The following DOCK10 variants were observed in gnomAD, a reference collection of about 807,000 sequenced individuals.
The protein encoded by DOCK10 is dedicator of cytokinesis protein 10.
A neutral mutation model predicts 280.1 loss-of-function variants in DOCK10; 145 were observed. The observed-to-expected ratio is 0.52, with a 90% confidence interval of 0.45 to 0.59. DOCK10 has a LOEUF of 0.59. Among genes scored for constraint, DOCK10 ranks in the 20% least tolerant of loss-of-function variants. The pLI, the probability that DOCK10 is intolerant of heterozygous loss-of-function variation, is 0.00. For synonymous variants in DOCK10, 915 were observed against 942.2 expected (o/e 0.97, Z 0.53); for missense variants, 2,368 against 2,651.7 (o/e 0.89, Z 2.35).
intron 1 of DOCK10, among the ~76,000 whole-genome samples, chr2:224,941,665 G>A (rs1287544598): frequency 6.6e-6 from 1 of 151,982 alleles, no homozygotes; most frequent in Non-Finnish European, 1.5e-5. Flanking sequence ...CCAACATGGT[G>A]AAACCCCGTC....
At position 224,936,281 on chromosome 2, in the gene DOCK10, C is replaced by CT. The variant is rs1702689153; in HGVS notation, c.124-4614dup. On this transcript the variant is annotated intron_variant, in intron 1 of 55. Transcript: ENST00000258390. ...AATATTTTGCATATAATTGGCTTTT[C>CT]TTTTTGGAAAACACGAAGTGGCTGG... 3.3e-5 allele frequency among the ~76,000 whole-genome samples: 5 copies of CT among 152,216 alleles called. No individual in the cohort carries two copies. The South Asian group carries it at 1.0e-3, about 32-fold the overall frequency.
rs184605798 is a variant in DOCK10 at position 224,880,698 on chromosome 2, T to G, written c.748-4477A>C. ...GTGAGTTGTGGCAAACTGTTCTGCT[T>G]CCACAATGTTCATCTGAAAAAGTTC... is the stretch of plus-strand genomic sequence containing the variant. On this transcript the variant is annotated intron_variant, in intron 7 of 55. Coordinates refer to ENST00000258390, the MANE Select transcript of DOCK10 (RefSeq NM_014689.3). Among the ~76,000 whole-genome samples, 4 of 152,304 alleles carry G rather than the reference T, an allele frequency of 2.6e-5. No individual in the cohort carries two copies. The East Asian group carries it at 5.8e-4, about 22-fold the overall frequency.
chr2:225,019,906 T>C (rs925270955), intron 1 of DOCK10, among the ~76,000 whole-genome samples: 4 of 152,234 alleles, frequency 2.6e-5, no homozygotes, highest in African/African-American at 9.6e-5. Flanking sequence ...ATGTGACCAA[T>C]TGACAAAGCT....
chr2:224,798,112 A>T, intron 41 of DOCK10, 143 bp from the exon 42 acceptor site: 1 of 771,446 alleles, frequency 1.3e-6, no homozygotes, highest in Non-Finnish European at 2.1e-6. Flanking sequence ...GACACAGTTC[A>T]TGTTTACTGT....
At chr2:224,955,181 A>C (rs1703969322) in intron 1 of DOCK10, among the ~76,000 whole-genome samples, 1 of 152,206 alleles carries the variant, frequency 6.6e-6, no homozygotes, top group Non-Finnish European at 1.5e-5. Flanking sequence ...TTCAATATGA[A>C]TGTCACTCAC....
chr2:224,985,149 C>T lies in DOCK10; in HGVS notation c.124-53481G>A, dbSNP rs556785926. On this transcript the variant is annotated intron_variant, in intron 1 of 55. Transcript: ENST00000258390. Reference sequence around the variant, plus strand: ...TGTGCACGGCCTTACTAATAAATGACCTTTGGAGATTCTTGTTCACTCTCT... The same window carrying T: ...TGTGCACGGCCTTACTAATAAATGATCTTTGGAGATTCTTGTTCACTCTCT... Among the ~76,000 whole-genome samples, 14 of 152,182 alleles carry T rather than the reference C, an allele frequency of 9.2e-5. No homozygotes were observed. The East Asian group carries it at 2.1e-3, about 23-fold the overall frequency.
Position 224,800,623 on chromosome 2 carries a change from C to T in DOCK10, c.4394-360G>A, listed in dbSNP as rs182074694. On this transcript the variant is annotated intron_variant, in intron 40 of 55. Coordinates refer to ENST00000258390, the MANE Select transcript of DOCK10 (RefSeq NM_014689.3). ...TCAGTGGACAGTCTTTATGTCCCCT[C>T]GGAAAGTCACAAAGTGTCTTTATCG... 4.1e-3 allele frequency among the ~76,000 whole-genome samples: 621 copies of T among 152,240 alleles called. 3 individuals are homozygous for T. Among genetic ancestry groups the T allele is most frequent in the African/African-American group, 8.5e-3 (354 of 41,552 alleles).
chr2:224,957,292 C>G lies in DOCK10; in HGVS notation c.124-25624G>C, dbSNP rs922491764. Among the ~76,000 whole-genome samples, 10 of 148,468 alleles carry G rather than the reference C, an allele frequency of 6.7e-5. 1 individual carries two copies. The highest frequency in any genetic ancestry group is 4.0e-4 in the Admixed American group (6 of 14,940). ...ATTTAGTTTTTACTTTCCGCCCCCC[C>G]CCGGCTTTGTTTTTCGGAGATGGGG... On this transcript the variant is annotated intron_variant, in intron 1 of 55. Coordinates refer to ENST00000258390, the MANE Select transcript of DOCK10 (RefSeq NM_014689.3).
chr2:225,010,055 GC>G (rs2126296472), intron 1 of DOCK10, among the ~76,000 whole-genome samples: 1 of 152,256 alleles, frequency 6.6e-6, no homozygotes, highest in South Asian at 2.1e-4. Flanking sequence ...ATTGGCTGGG[GC>G]TTTACTCATG....
intron 55 of DOCK10, among the ~76,000 whole-genome samples, chr2:224,767,417 G>C (rs1457955179): frequency 3.3e-5 from 5 of 152,136 alleles, no homozygotes; most frequent in African/African-American, 1.2e-4. Flanking sequence ...GCCCACCTCG[G>C]CCTCCCAAAG....
At chr2:224,875,244 A>T (rs1199465124) in intron 8 of DOCK10, among the ~76,000 whole-genome samples, 1 of 152,212 alleles carries the variant, frequency 6.6e-6, no homozygotes, top group African/African-American at 2.4e-5. Flanking sequence ...GTTAAAATCA[A>T]CAAAATCAGC....
chr2:224,880,107 C>T (rs76369399), intron 7 of DOCK10, among the ~76,000 whole-genome samples: 2,549 of 152,270 alleles, frequency 0.017, 39 homozygotes, highest in Non-Finnish European at 0.024. Flanking sequence ...ATTTGATTGT[C>T]TAAACTGCAT....
intron 1 of DOCK10, among the ~76,000 whole-genome samples, chr2:225,008,522 C>T (rs753073554): frequency 5.3e-5 from 8 of 152,210 alleles, no homozygotes; most frequent in Admixed American, 1.3e-4. Context: ...AAAATATCTT[C>T]TGTAGGCTAA....
At chr2:224,943,058 T>G (rs1703184061) in intron 1 of DOCK10, among the ~76,000 whole-genome samples, 1 of 152,098 alleles carries the variant, frequency 6.6e-6, no homozygotes, top group Non-Finnish European at 1.5e-5. Flanking sequence ...AGAATTTTAG[T>G]TAAAAAAAGA....
rs1330310709 is a variant in DOCK10, at chr2:224,801,850, C to T, written c.4393+66G>A. On this transcript the variant is annotated intron_variant, in intron 40 of 55. Transcript: ENST00000258390. The stretch of plus-strand genomic sequence containing the variant: ...TAAAAACTGTGGTTTTAGTGCATTT[C>T]ATGTCCTACACATACCTAGAGAAAA... 3.3e-6 allele frequency: 5 copies of T among 1,532,704 alleles called. No individual in the cohort carries two copies. In the Admixed American group the frequency reaches 8.8e-5, roughly 27 times the overall value. 94.9% of individuals were successfully genotyped at this position (1,532,704 alleles called of 1,614,324 possible). A position where few individuals can be genotyped will look rare whatever the true frequency, so the allele number is the denominator to read the frequency against.
intron 25 of DOCK10, among the ~76,000 whole-genome samples, chr2:224,836,153 C>CT (rs1486856289): frequency 6.6e-6 from 1 of 152,194 alleles, no homozygotes; most frequent in Non-Finnish European, 1.5e-5. Flanking sequence ...GGATCAGTAA[C>CT]TTTTTTTCTC....
At chr2:225,013,204 T>C (rs905688454) in intron 1 of DOCK10, among the ~76,000 whole-genome samples, 4 of 152,174 alleles carry the variant, frequency 2.6e-5, no homozygotes, top group Non-Finnish European at 5.9e-5. Context: ...AATCATTTCT[T>C]TGTTAAAATC....
chr2:224,803,822 C>G (rs1693175215), intron 39 of DOCK10, among the ~76,000 whole-genome samples: 1 of 152,062 alleles, frequency 6.6e-6, no homozygotes, highest in South Asian at 2.1e-4. Context: ...TGAAAATACT[C>G]ATTAATGTTC....
chr2:224,985,575 GA>G (rs1705951106), intron 1 of DOCK10, among the ~76,000 whole-genome samples: 1 of 149,956 alleles, frequency 6.7e-6, no homozygotes, highest in South Asian at 2.1e-4. Flanking sequence ...CAGGGAGAAA[GA>G]CATGTAGGAA....
Sources: gnomAD v4.1 joint callset for allele counts (sites outside exome capture counted in the v4.1 genomes callset) on GRCh38, gnomAD v4.1.1 for gene constraint, MANE v1.5 for transcripts, NCBI Gene and HGNC (gene_info 2026-07-23, HGNC 2026-07-21) for gene names.